Variants in OTOA observed in about 807,000 individuals in gnomAD.
OTOA encodes the protein cancer/testis antigen 108.
OTOA carries 70 observed loss-of-function variants against 110.8 expected under a neutral mutation model. That is an observed-to-expected ratio of 0.63 (90% CI 0.52 to 0.77). OTOA has a LOEUF of 0.77. Among genes scored for constraint, OTOA ranks in the 30% least tolerant of loss-of-function variants. The pLI is 0.00. For missense variants in OTOA, 917 were observed against 1,075.8 expected, an observed-to-expected ratio of 0.85 and a Z score of 2.06; for synonymous variants, 373 against 431.5, an observed-to-expected ratio of 0.86 and a Z score of 1.68.
chr16:21,736,249 T>C lies in OTOA; in HGVS notation c.2302-12T>C, dbSNP rs755432262. On this transcript the variant is annotated splice_polypyrimidine_tract_variant and intron_variant, in intron 21 of 28. Coordinates refer to ENST00000646100, the MANE Select transcript of OTOA (RefSeq NM_144672.4). Reference sequence around the variant, plus strand: ...AATTATTATTCCTCTTCTTTCATCTTCTTTCACACAGTTTCCTGAGATCCT... The same window carrying C: ...AATTATTATTCCTCTTCTTTCATCTCCTTTCACACAGTTTCCTGAGATCCT... 4 of 1,609,010 alleles carry C rather than the reference T, an allele frequency of 2.5e-6. No individual in the cohort carries two copies. In the South Asian group the frequency reaches 4.4e-5, roughly 18 times the overall value.
rs562057404 is a variant in OTOA at position 21,687,627 on chromosome 16, G to A, written c.614G>A (p.Arg205His). ...ACAGAGCGGCTCCCTCGGGACCTGC[G>A]CGAGGATGCCTTTAAGAACCTGTGA... is the stretch of plus-strand genomic sequence containing the variant. ...DITERLPRDL[R>H]EDAFKNLSAV... The change falls in exon 8 of 29, where the codon CGC (arginine) becomes CAC (histidine). Residue 205 changes from arginine to histidine, a missense_variant. By Grantham distance (29) the Arg-to-His change is conservative. Around this residue, in one of 6 missense-constraint regions of OTOA, gnomAD observed 840 missense variants for 910.2 expected, o/e 0.92. Transcript: ENST00000646100. 5 of 1,613,240 alleles carry A rather than the reference G, an allele frequency of 3.1e-6. No individual in the cohort carries two copies. Among genetic ancestry groups the A allele is most frequent in the Admixed American group, 1.7e-5 (1 of 59,964 alleles).
intron 13 of OTOA, among the ~76,000 whole-genome samples, chr16:21,711,261 A>G (rs545423961): frequency 6.6e-6 from 1 of 152,222 alleles, no homozygotes. Flanking sequence ...GGGATTAGGG[A>G]TGATGCTATT....
intron 21 of OTOA, among the ~76,000 whole-genome samples, chr16:21,731,902 C>T (rs1899127701): frequency 6.6e-6 from 1 of 152,230 alleles, no homozygotes; most frequent in African/African-American, 2.4e-5. Flanking sequence ...ACAGTAAAAT[C>T]ATATTCTGGA....
chr16:21,677,516 C>G lies in OTOA; in HGVS notation c.-4-995C>G, dbSNP rs368262314. ...TTTTTTTTTGAGACGGAGTCTTGCT[C>G]TGTCGCCCAGGCTGGAGTGCAGTGG... is the stretch of plus-strand genomic sequence containing the variant. On this transcript the variant is annotated intron_variant, in intron 1 of 28. Coordinates refer to ENST00000646100, the MANE Select transcript of OTOA (RefSeq NM_144672.4). Among the ~76,000 whole-genome samples the G allele has an allele frequency of 1.6e-4, 21 of 131,760 alleles. No individual in the cohort carries two copies. The South Asian group carries it at 2.7e-3, about 17-fold the overall frequency. 86.4% of individuals were successfully genotyped at this position (131,760 alleles called of 152,430 possible). A position where few individuals can be genotyped will look rare whatever the true frequency, so the allele number is the denominator to read the frequency against.
chr16:21,700,964 A>G lies in OTOA; in HGVS notation c.917A>G (p.Gln306Arg), dbSNP rs769534810. The G allele has an allele frequency of 6.2e-7, 1 of 1,614,130 alleles. No homozygotes were observed. The highest frequency in any genetic ancestry group is 8.5e-7 in the Non-Finnish European group (1 of 1,180,020). ...TATGACATCACACCTGAGCTGGCCCAGGCGTTTCTGGAGAGGATCAGCTCC... is the reference window on the plus strand; with the variant it reads ...TATGACATCACACCTGAGCTGGCCCGGGCGTTTCTGGAGAGGATCAGCTCC... ...MVYDITPELA[Q>R]AFLERISSSN... is the part of the protein sequence containing the mutation. The change falls in exon 11 of 29, where the codon CAG becomes CGG. Residue 306 changes from glutamine to arginine, a missense_variant. By Grantham distance (43) the Gln-to-Arg change is conservative (BLOSUM62 1). Transcript: ENST00000646100.
In OTOA at chr16:21,663,990, G is replaced by A. The variant is rs1966819817; in HGVS notation, c.-247G>A. 6.6e-6 allele frequency: 1 copy of A among 152,280 alleles called. No individual in the cohort carries two copies. The highest frequency in any genetic ancestry group is 1.5e-5 in the Non-Finnish European group (1 of 68,076). The allele number at this position is 152,280 out of a possible 1,614,324, so 9.4% of individuals were successfully genotyped here. A position where few individuals can be genotyped will look rare whatever the true frequency, so the allele number is the denominator to read the frequency against. On this transcript the variant is annotated 5_prime_UTR_variant, in exon 1 of 29. Transcript: ENST00000646100. ...GCTGCCGCCCCGAAGAGTGGCTGGGGAGCAGGCATTTGTGCGTCTTGCAAG... is the reference window on the plus strand; with the variant it reads ...GCTGCCGCCCCGAAGAGTGGCTGGGAAGCAGGCATTTGTGCGTCTTGCAAG...
rs959403951 is a variant in OTOA at position 21,716,793 on chromosome 16, A to G, written c.1489-114A>G. The G allele has an allele frequency of 4.0e-6, 5 of 1,236,918 alleles. No homozygotes were observed. In the African/African-American group the frequency reaches 7.5e-5, roughly 18 times the overall value. The allele number at this position is 1,236,918 out of a possible 1,614,324, so 76.6% of individuals were successfully genotyped here. ...GGGATGATGCTACTCTCCACTTCCTAGGGTTGCTGAGCGGGTCTGATGGAT... is the reference window on the plus strand; with the variant it reads ...GGGATGATGCTACTCTCCACTTCCTGGGGTTGCTGAGCGGGTCTGATGGAT... On this transcript the variant is annotated intron_variant, in intron 14 of 28. Transcript: ENST00000646100.
chr16:21,666,243 A>ATT lies in OTOA; in HGVS notation c.-5+2028_-5+2029dup, dbSNP rs61085785. ...TTTGGATTAATAGTCATGAAATGGC[A>ATT]TTTTTTTTTTTTTTTTTTGGTGGAA... On this transcript the variant is annotated intron_variant, in intron 1 of 28. Transcript: ENST00000646100. Among the ~76,000 whole-genome samples, 21 of 129,036 alleles carry ATT rather than the reference A, an allele frequency of 1.6e-4. No homozygotes were observed. The South Asian group carries it at 2.2e-3, about 14-fold the overall frequency. The allele number at this position is 129,036 out of a possible 152,430, so 84.7% of individuals were successfully genotyped here.
intron 15 of OTOA, 104 bp from the exon 16 acceptor site, chr16:21,719,029 C>A: frequency 8.7e-7 from 1 of 1,149,122 alleles, no homozygotes; most frequent in Non-Finnish European, 1.3e-6. Flanking sequence ...CTCCATTTCC[C>A]CATCTGTAAA....
chr16:21,729,457 G>A (rs1899037788), intron 20 of OTOA: 1 of 152,110 alleles, frequency 6.6e-6, no homozygotes, highest in Non-Finnish European at 1.5e-5. Context: ...CCCCACCAAA[G>A]TTGTACATTT....
chr16:21,698,993 C>G (rs537694264), intron 10 of OTOA, among the ~76,000 whole-genome samples: 1 of 152,256 alleles, frequency 6.6e-6, no homozygotes, highest in South Asian at 2.1e-4. Context: ...TTCTGTCGTC[C>G]AGGCTAAAGT....
At chr16:21,689,335 A>G (rs1171631986) in intron 8 of OTOA, among the ~76,000 whole-genome samples, 1 of 152,120 alleles carries the variant, frequency 6.6e-6, no homozygotes, top group Non-Finnish European at 1.5e-5. Flanking sequence ...TTTTTTCACT[A>G]AGATGTATAT....
In OTOA at chr16:21,685,265, C is replaced by T. The variant is rs1316682850; in HGVS notation, c.303C>T (p.His101=). Residue 101 remains histidine, a synonymous_variant, in exon 7 of 29, where the codon CAC becomes CAT. Coordinates refer to ENST00000646100, the MANE Select transcript of OTOA (RefSeq NM_144672.4). The stretch of plus-strand genomic sequence containing the variant: ...AAAACCACCTGGAGCAGCGTCTGCA[C>T]CAGCCCCAGAAGCTGCTGGAGGACC... The part of the protein sequence containing the change: ...AVENHLEQRL[H]QPQKLLEDLR... The T allele has an allele frequency of 6.2e-7, 1 of 1,613,112 alleles. No homozygotes were observed. The highest frequency in any genetic ancestry group is 1.1e-5 in the South Asian group (1 of 91,060).
chr16:21,760,096 C>G (rs1447783557), intron 28 of OTOA, among the ~76,000 whole-genome samples: 2 of 151,882 alleles, frequency 1.3e-5, no homozygotes, highest in Non-Finnish European at 2.9e-5. Context: ...TTGGATGAAC[C>G]CTTCCTATGG....
chr16:21,731,400 A>G (rs538307389), intron 21 of OTOA, among the ~76,000 whole-genome samples: 3 of 152,260 alleles, frequency 2.0e-5, no homozygotes, highest in Non-Finnish European at 2.9e-5. Context: ...ACCAAGGGGC[A>G]TGCAAAATAA....
rs1249528514 is a variant in OTOA, at chr16:21,700,952, C to A, written c.905C>A (p.Pro302His). ...CTGGACATGGTCTATGACATCACAC[C>A]TGAGCTGGCCCAGGCGTTTCTGGAG... ...KQLDMVYDIT[P>H]ELAQAFLERI... is the part of the protein sequence containing the mutation. The change falls in exon 11 of 29, where the codon CCT becomes CAT. Residue 302 changes from proline to histidine, a missense_variant. Pro to His is a moderately conservative substitution (Grantham distance 77). Transcript: ENST00000646100. 4.3e-6 allele frequency: 7 copies of A among 1,613,980 alleles called. No homozygotes were observed. Among genetic ancestry groups the A allele is most frequent in the Non-Finnish European group, 5.9e-6 (7 of 1,180,026 alleles).
chr16:21,692,409 G>A (rs542770369), intron 9 of OTOA, among the ~76,000 whole-genome samples: 45 of 152,206 alleles, frequency 3.0e-4, no homozygotes, highest in African/African-American at 1.1e-3. Flanking sequence ...AACTCTGAGC[G>A]TCCTGGCTAC....
chr16:21,729,820 G>T lies in OTOA; in HGVS notation c.2208-1017G>T, dbSNP rs577802109. 3 of 151,970 alleles carry T rather than the reference G, an allele frequency of 2.0e-5. No individual in the cohort carries two copies. In the South Asian group the frequency reaches 6.2e-4, roughly 32 times the overall value. The allele number at this position is 151,970 out of a possible 1,614,324, so 9.4% of individuals were successfully genotyped here. ...TAAGTTTTCTCCAGGTCTTTTTTTG[G>T]CTTGATAGCTCATTTCTTTTTAGTG... On this transcript the variant is annotated intron_variant, in intron 20 of 28. Coordinates refer to ENST00000646100, the MANE Select transcript of OTOA (RefSeq NM_144672.4).
In OTOA at chr16:21,700,951, C is replaced by G; in HGVS notation, c.904C>G (p.Pro302Ala). 1.2e-6 allele frequency: 2 copies of G among 1,614,086 alleles called. No homozygotes were observed. The highest frequency in any genetic ancestry group is 1.7e-6 in the Non-Finnish European group (2 of 1,180,018). Residue 302 changes from proline (P) to alanine (A), a missense_variant, in exon 11 of 29, where the codon CCT becomes GCT. Pro to Ala is a conservative substitution (Grantham distance 27). Transcript: ENST00000646100. ...GCTGGACATGGTCTATGACATCACA[C>G]CTGAGCTGGCCCAGGCGTTTCTGGA... ...KQLDMVYDITPELAQAFLERI... is the reference protein window; with the variant it reads ...KQLDMVYDITAELAQAFLERI...
Sources: allele counts gnomAD v4.1 joint callset (sites outside exome capture counted in the v4.1 genomes callset), GRCh38; gene constraint gnomAD v4.1.1; regional missense constraint gnomAD v4.1.1; transcripts MANE v1.5; gene names NCBI Gene and HGNC (gene_info 2026-07-23, HGNC 2026-07-21).